The following RASEF variants were observed in gnomAD, a reference collection of about 807,000 sequenced individuals.
RASEF encodes the protein RAS and EF-hand domain containing, also known as ras and EF-hand domain-containing protein.
In RASEF, 68 loss-of-function variants were observed where a neutral mutation model predicts 90.1. That is an observed-to-expected ratio of 0.75 (90% confidence interval 0.62 to 0.92). The LOEUF is 0.92. Among genes scored for constraint, RASEF ranks in the 40% least tolerant of loss-of-function variants. The pLI is 0.00. For missense variants in RASEF, 949 were observed against 937.2 expected (o/e 1.01, Z -0.16); for synonymous variants, 331 against 345.2 (o/e 0.96, Z 0.46).
chr9:83,173,276 C>T, the RASEF span, among the ~76,000 whole-genome samples: 1 of 151,622 alleles, frequency 6.6e-6, no homozygotes, highest in Non-Finnish European at 1.5e-5. Flanking sequence ...GATATTTATA[C>T]CTTTCTCTGG....
At chr9:83,108,533 T>C in the RASEF span, among the ~76,000 whole-genome samples, 1 of 152,184 alleles carries the variant, frequency 6.6e-6, no homozygotes, top group Non-Finnish European at 1.5e-5. Context: ...TGGGGGTTCA[T>C]GGATCTCTGA....
the RASEF span, among the ~76,000 whole-genome samples, chr9:83,190,033 G>A: frequency 2.6e-5 from 4 of 152,116 alleles, no homozygotes; most frequent in African/African-American, 4.8e-5. Flanking sequence ...CGCCCACTTC[G>A]CTTCCCTCCC....
At chr9:83,108,355 C>T in the RASEF span, among the ~76,000 whole-genome samples, 1 of 152,152 alleles carries the variant, frequency 6.6e-6, no homozygotes, top group Non-Finnish European at 1.5e-5. Context: ...AGAACTATGG[C>T]CCCCTGGACA....
chr9:83,123,407 G>A, the RASEF span, among the ~76,000 whole-genome samples: 1 of 152,088 alleles, frequency 6.6e-6, no homozygotes, highest in Non-Finnish European at 1.5e-5. Flanking sequence ...TAACGCTGGG[G>A]AGACCTGCCT....
intron 1 of RASEF, among the ~76,000 whole-genome samples, chr9:83,045,343 C>T (rs1051641110): frequency 3.9e-5 from 6 of 152,148 alleles, no homozygotes; most frequent in African/African-American, 1.4e-4. Flanking sequence ...ATGAAAAGAG[C>T]TGAATAAGAA....
At chr9:83,164,708 A>G in the RASEF span, among the ~76,000 whole-genome samples, 1 of 151,882 alleles carries the variant, frequency 6.6e-6, no homozygotes, top group Non-Finnish European at 1.5e-5. Flanking sequence ...AACTTTAAAC[A>G]TCAATGATCT....
At chr9:83,211,623 A>C in the RASEF span, among the ~76,000 whole-genome samples, 1 of 152,172 alleles carries the variant, frequency 6.6e-6, no homozygotes, top group Admixed American at 6.5e-5. Context: ...TCTGAAGACC[A>C]TATGGTTTCA....
At chr9:83,212,226 G>A in the RASEF span, among the ~76,000 whole-genome samples, 1 of 152,198 alleles carries the variant, frequency 6.6e-6, no homozygotes, top group Non-Finnish European at 1.5e-5. Flanking sequence ...AGGTCACATA[G>A]CTGTAGATAG....
intron 15 of RASEF, among the ~76,000 whole-genome samples, chr9:82,991,706 G>A (rs1377877581): frequency 6.6e-6 from 1 of 152,230 alleles, no homozygotes; most frequent in Non-Finnish European, 1.5e-5. Context: ...ATGATATGGG[G>A]TGAAACAGAG....
intron 6 of RASEF, among the ~76,000 whole-genome samples, chr9:83,009,230 T>C (rs1341961180): frequency 2.6e-5 from 4 of 152,060 alleles, no homozygotes; most frequent in African/African-American, 9.7e-5. Context: ...TGAATGTATG[T>C]ATGTGTATTA....
At chr9:83,214,034 A>G in the RASEF span, among the ~76,000 whole-genome samples, 9 of 152,184 alleles carry the variant, frequency 5.9e-5, no homozygotes, top group African/African-American at 2.2e-4. Context: ...GTAGTGAGCC[A>G]TGACTGCACC....
Position 82,981,235 on chromosome 9 carries a change from A to C in RASEF, c.*1442T>G, listed in dbSNP as rs1015404279. 6.6e-6 allele frequency: 1 copy of C among 152,170 alleles called. No individual in the cohort carries two copies. The highest frequency in any genetic ancestry group is 1.5e-5 in the Non-Finnish European group (1 of 68,042). The allele number at this position is 152,170 out of a possible 1,614,324, so 9.4% of individuals were successfully genotyped here. On this transcript the variant is annotated 3_prime_UTR_variant, in exon 17 of 17. Coordinates refer to ENST00000376447, the MANE Select transcript of RASEF (RefSeq NM_152573.4). ...TTTGTTGTAGCCCACCCTAGGCTCA[A>C]GTGTTGACTCCTTTGGCTCTTAGAG...
intron 1 of RASEF, among the ~76,000 whole-genome samples, chr9:83,028,452 C>G (rs946390991): frequency 1.3e-5 from 2 of 152,196 alleles, no homozygotes; most frequent in Admixed American, 6.5e-5. Context: ...CAGAAGACCA[C>G]TCAGAAATCC....
chr9:83,013,452 G>A (rs1314384713), intron 4 of RASEF, among the ~76,000 whole-genome samples: 1 of 152,172 alleles, frequency 6.6e-6, no homozygotes. Flanking sequence ...AAAAGCCATC[G>A]ATTTAAACAC....
chr9:83,023,902 C>G (rs1370043832), intron 2 of RASEF, among the ~76,000 whole-genome samples: 5 of 152,202 alleles, frequency 3.3e-5, no homozygotes, highest in Non-Finnish European at 5.9e-5. Flanking sequence ...CATTTTTCTT[C>G]TTTTGTAAAT....
chr9:82,985,559 C>G (rs938445662), intron 16 of RASEF, among the ~76,000 whole-genome samples: 4 of 152,160 alleles, frequency 2.6e-5, no homozygotes, highest in African/African-American at 9.7e-5. Flanking sequence ...TTCAGTAAGA[C>G]ACCAATGTGG....
At chr9:83,174,690 G>A in the RASEF span, among the ~76,000 whole-genome samples, 111,494 of 151,906 alleles carry the variant, frequency 0.73, 41,210 homozygotes, top group Middle Eastern at 0.85. Flanking sequence ...AAGCCAAATG[G>A]CATTTTGTTG....
chr9:83,110,236 G>C, the RASEF span, among the ~76,000 whole-genome samples: 4 of 152,146 alleles, frequency 2.6e-5, no homozygotes, highest in African/African-American at 9.7e-5. Context: ...AAAAGAATAT[G>C]AGGCAGACAT....
chr9:83,140,830 T>C, the RASEF span, among the ~76,000 whole-genome samples: 8 of 151,974 alleles, frequency 5.3e-5, no homozygotes, highest in Non-Finnish European at 7.4e-5. Flanking sequence ...TTGATGGAAA[T>C]AGAAATAACT....
Sources: gnomAD v4.1 joint callset for allele counts (sites outside exome capture counted in the v4.1 genomes callset) on GRCh38, gnomAD v4.1.1 for gene constraint, MANE v1.5 for transcripts, NCBI Gene and HGNC (gene_info 2026-07-23, HGNC 2026-07-21) for gene names.